Variants in AOX1 observed in about 807,000 individuals in gnomAD.
AOX1 encodes aldehyde oxidase.
Under a neutral mutation model 169.5 loss-of-function variants are expected in AOX1, and 153 were observed. The ratio of observed to expected loss-of-function variants is 0.90; its 90% CI spans 0.79 to 1.03. AOX1 has a LOEUF of 1.03. Ranked by LOEUF, AOX1 falls within the 50% of genes least tolerant of loss-of-function variation. The probability of loss-of-function intolerance (pLI) is 0.00; values close to 1 mark genes in which losing one functional copy is unlikely to be tolerated. For missense variants in AOX1, 1,656 were observed against 1,663.9 expected (o/e 1.00, Z 0.08); for synonymous variants, 562 against 581.9 (o/e 0.97, Z 0.49).
chr2:200,615,929 A>T, intron 15 of AOX1, 42 bp from the exon 16 acceptor site: 1 of 1,455,528 alleles, frequency 6.9e-7, no homozygotes, highest in Non-Finnish European at 9.6e-7. Context: ...ATTCTGGTGC[A>T]TTCAAACTAT....
At chr2:200,605,407 C>G in intron 9 of AOX1, 129 bp from the exon 10 acceptor site, 1 of 437,136 alleles carries the variant, frequency 2.3e-6, no homozygotes, top group Non-Finnish European at 3.9e-6. Context: ...TGGCAATAAA[C>G]AGATGAATAG....
chr2:200,612,907 C>T, intron 14 of AOX1, 114 bp downstream of exon 14: 2 of 767,618 alleles, frequency 2.6e-6, no homozygotes, highest in South Asian at 2.0e-5. Flanking sequence ...CCATACCTTT[C>T]TATTTAATGG....
At position 200,634,904 on chromosome 2, in the gene AOX1, A is replaced by C. The variant is rs1379720402; in HGVS notation, c.2335A>C (p.Lys779Gln). The C allele has an allele frequency of 6.2e-7, 1 of 1,614,038 alleles. No individual in the cohort carries two copies. The highest frequency in any genetic ancestry group is 8.5e-7 in the Non-Finnish European group (1 of 1,179,918). ...MDVYVSTQFP[K>Q]YIQDIVASTL... ...TGTCTACGTGTCCACACAGTTTCCC[A>C]AATATATACAGGTAACATGGGGCCA... Residue 779 changes from lysine (K) to glutamine (Q), a missense_variant, in exon 21 of 35, where the codon AAA becomes CAA. Transcript: ENST00000374700.
chr2:200,619,902 G>A (rs965719308), intron 16 of AOX1, among the ~76,000 whole-genome samples: 7 of 152,028 alleles, frequency 4.6e-5, no homozygotes, highest in South Asian at 4.2e-4. Context: ...ACATAGTCAC[G>A]ATATCATCAT....
In AOX1 at chr2:200,668,645, C is replaced by T. The variant is rs1400902601; in HGVS notation, c.3640C>T (p.Leu1214Phe). The T allele has an allele frequency of 9.9e-6, 16 of 1,612,892 alleles. No homozygotes were observed. Among genetic ancestry groups the T allele is most frequent in the Non-Finnish European group, 1.3e-5 (15 of 1,179,688 alleles). The stretch of plus-strand genomic sequence containing the variant: ...AGGTGCATTTATTCAAGGCATGGGA[C>T]TTTATACAATAGAGGAACTGAATTA... ...IEGAFIQGMG[L>F]YTIEELNYSP... is the part of the protein sequence containing the mutation. Residue 1214 changes from leucine to phenylalanine, a missense_variant, in exon 33 of 35, where the codon CTT (leucine) becomes TTT (phenylalanine). By Grantham distance (22) the Leu-to-Phe change is conservative (BLOSUM62 0). Coordinates refer to ENST00000374700, the MANE Select transcript of AOX1 (RefSeq NM_001159.4).
chr2:200,600,785 G>A (rs1317755294), intron 5 of AOX1, among the ~76,000 whole-genome samples: 1 of 152,124 alleles, frequency 6.6e-6, no homozygotes, highest in African/African-American at 2.4e-5. Flanking sequence ...ATGTAAACAA[G>A]TGATAAGGGG....
chr2:200,649,559 G>A (rs1574951632), intron 25 of AOX1, among the ~76,000 whole-genome samples: 2 of 152,114 alleles, frequency 1.3e-5, no homozygotes, highest in Non-Finnish European at 1.5e-5. Flanking sequence ...AAAATTCGGC[G>A]AACTTCCACA....
intron 1 of AOX1, among the ~76,000 whole-genome samples, chr2:200,590,462 T>A (rs1216441420): frequency 6.6e-6 from 1 of 152,100 alleles, no homozygotes; most frequent in Non-Finnish European, 1.5e-5. Context: ...CTAGCCTCCC[T>A]CTGAGTCCTA....
At chr2:200,676,917 G>A (rs1179935120) in exon 5 of AOX1, 5 of 470,762 alleles carry the variant, frequency 1.1e-5, no homozygotes, top group Middle Eastern at 3.2e-4. Context: ...ACAGGAACAG[G>A]TGCTTTTGAT....
Position 200,620,787 on chromosome 2 carries a change from T to C in AOX1, c.1842T>C (p.Phe614=), listed in dbSNP as rs1177618962. 2 of 1,606,756 alleles carry C rather than the reference T, an allele frequency of 1.2e-6. No individual in the cohort carries two copies. The highest frequency in any genetic ancestry group is 1.7e-4 in the Middle Eastern group (1 of 6,044). Residue 614 remains phenylalanine (F), a synonymous_variant, in exon 17 of 35, where the codon TTT becomes TTC. Transcript: ENST00000374700. ...PLVDQELFLT[F]VTSSRAHAKI... ...TGGACCAGGAACTTTTCTTGACTTT[T>C]GTGACTAGTTCAAGAGCTCATGCTA...
intron 25 of AOX1, 131 bp downstream of exon 25, chr2:200,642,932 T>G: frequency 1.1e-6 from 1 of 870,488 alleles, no homozygotes; most frequent in Non-Finnish European, 1.7e-6. Flanking sequence ...CCCAGCTAAC[T>G]GGTTAATGCG....
chr2:200,605,241 G>A (rs955535557), intron 9 of AOX1, among the ~76,000 whole-genome samples: 1 of 152,140 alleles, frequency 6.6e-6, no homozygotes, highest in African/African-American at 2.4e-5. Flanking sequence ...GGGTCTTCCT[G>A]TTGCATCCAG....
Position 200,651,121 on chromosome 2 carries a change from G to A in AOX1, c.2995G>A (p.Glu999Lys), listed in dbSNP as rs566683850. Reference sequence around the variant, plus strand: ...AGTTGCTGTGGAAAAGTTCAATGCAGAGAATTATTGGAAGAAGAAAGGACT... The same window carrying A: ...AGTTGCTGTGGAAAAGTTCAATGCAAAGAATTATTGGAAGAAGAAAGGACT... ...RKVAVEKFNA[E>K]NYWKKKGLAM... Residue 999 changes from glutamate to lysine, a missense_variant, in exon 26 of 35, where the codon GAG becomes AAG. Glu to Lys is a moderately conservative substitution (Grantham distance 56). Coordinates refer to ENST00000374700, the MANE Select transcript of AOX1 (RefSeq NM_001159.4). 5 of 1,614,070 alleles carry A rather than the reference G, an allele frequency of 3.1e-6. No homozygotes were observed. In the South Asian group the frequency reaches 3.3e-5, roughly 11 times the overall value.
intron 1 of AOX1, among the ~76,000 whole-genome samples, chr2:200,586,621 G>A (rs978488837): frequency 3.9e-5 from 6 of 152,158 alleles, no homozygotes; most frequent in African/African-American, 1.4e-4. Flanking sequence ...CTTAGATTCG[G>A]GACAAGACCG....
At position 200,638,277 on chromosome 2, in the gene AOX1, G is replaced by T. The variant is rs762829482; in HGVS notation, c.2543G>T (p.Arg848Leu). ...GAAGACATGTTAATAACTGGAGGCC[G>T]CCATCCTTACCTTGGAAAGTACAAA... ...RGEDMLITGGRHPYLGKYKAG... is the reference protein window; with the variant it reads ...RGEDMLITGGLHPYLGKYKAG... Residue 848 changes from arginine (R) to leucine (L), a missense_variant, in exon 23 of 35, where the codon CGC becomes CTC. Transcript: ENST00000374700. 1 of 1,613,422 alleles carries T rather than the reference G, an allele frequency of 6.2e-7. No individual in the cohort carries two copies. Among genetic ancestry groups the T allele is most frequent in the South Asian group, 1.1e-5 (1 of 91,070 alleles).
chr2:200,632,039 T>A (rs1244919194), intron 20 of AOX1, among the ~76,000 whole-genome samples: 1 of 152,116 alleles, frequency 6.6e-6, no homozygotes, highest in Admixed American at 6.5e-5. Context: ...TCATTTTTTA[T>A]GCAAATTGAG....
downstream of AOX1, among the ~76,000 whole-genome samples, chr2:200,671,980 G>A (rs1407976475): frequency 6.6e-6 from 1 of 151,914 alleles, no homozygotes; most frequent in Admixed American, 6.6e-5. Flanking sequence ...TAAAAAAAAA[G>A]CACTATTACA....
At chr2:200,597,944 CAAAAGTACAAAA>C (rs2034321684) in intron 4 of AOX1, among the ~76,000 whole-genome samples, 1 of 151,976 alleles carries the variant, frequency 6.6e-6, no homozygotes, top group Non-Finnish European at 1.5e-5. Flanking sequence ...CATGTCTCTA[CAAAAGTACAAAA>C]ATTAGTGGGG....
intron 31 of AOX1, among the ~76,000 whole-genome samples, chr2:200,664,579 C>T (rs1316408645): frequency 6.6e-6 from 1 of 152,198 alleles, no homozygotes; most frequent in African/African-American, 2.4e-5. Flanking sequence ...AAGGCATGTT[C>T]CTATAACTTA....
Sources: allele counts gnomAD v4.1 joint callset (sites outside exome capture counted in the v4.1 genomes callset), GRCh38; gene constraint gnomAD v4.1.1; transcripts MANE v1.5; gene names NCBI Gene and HGNC (gene_info 2026-07-23, HGNC 2026-07-21).